STK32B: variants seen among roughly 807,000 people sequenced by gnomAD.
STK32B encodes serine/threonine-protein kinase 32B.
Under a neutral mutation model 52.6 loss-of-function variants are expected in STK32B, and 43 were observed. The ratio of observed to expected loss-of-function variants is 0.82; its 90% CI spans 0.64 to 1.05. STK32B has a LOEUF of 1.05. Ranked by LOEUF, STK32B falls within the 50% of genes least tolerant of loss-of-function variation. STK32B has a pLI of 0.00. For synonymous variants in STK32B, 238 were observed against 204.3 expected, an observed-to-expected ratio of 1.17 and a Z score of -1.41; for missense variants, 621 against 534.6, an observed-to-expected ratio of 1.16 and a Z score of -1.59.
At chr4:5,488,998 C>T (rs1282311271) in intron 11 of STK32B, among the ~76,000 whole-genome samples, 1 of 151,968 alleles carries the variant, frequency 6.6e-6, no homozygotes, top group African/African-American at 2.4e-5. Context: ...TTTTAACTCT[C>T]AGTAACCTTG....
chr4:5,135,633 C>A (rs1005334970), intron 1 of STK32B, among the ~76,000 whole-genome samples: 1 of 152,100 alleles, frequency 6.6e-6, no homozygotes. Flanking sequence ...TTCAGAGGCT[C>A]ACAGGAAGGA....
At chr4:5,180,283 T>C (rs1022746544) in intron 3 of STK32B, among the ~76,000 whole-genome samples, 3 of 152,242 alleles carry the variant, frequency 2.0e-5, no homozygotes, top group Non-Finnish European at 4.4e-5. Flanking sequence ...TTCCAGTTCT[T>C]ACAGGTGGCT....
Position 5,051,576 on chromosome 4 carries a change from C to T in STK32B, c.-288C>T. The T allele has an allele frequency of 2.5e-6, 1 of 400,186 alleles. No homozygotes were observed. Among genetic ancestry groups the T allele is most frequent in the Middle Eastern group, 6.5e-4 (1 of 1,528 alleles). The allele number at this position is 400,186 out of a possible 1,614,324, so 24.8% of individuals were successfully genotyped here. A position where few individuals can be genotyped will look rare whatever the true frequency, so the allele number is the denominator to read the frequency against. On this transcript the variant is annotated 5_prime_UTR_variant, in exon 1 of 12. Transcript: ENST00000282908. ...CGTTGGCCCCGGCGCGAGGAGCTCC[C>T]GGGTTCCCGGGCGGGCACTGGAGTA...
At chr4:5,262,682 G>C (rs1418933996) in intron 3 of STK32B, among the ~76,000 whole-genome samples, 1 of 151,472 alleles carries the variant, frequency 6.6e-6, no homozygotes, top group Non-Finnish European at 1.5e-5. Flanking sequence ...ACAATATATG[G>C]TTAAGTATTA....
intron 3 of STK32B, among the ~76,000 whole-genome samples, chr4:5,325,865 A>C (rs1263055276): frequency 6.6e-6 from 1 of 152,214 alleles, no homozygotes; most frequent in East Asian, 1.9e-4. Context: ...CAAAAGGGAC[A>C]ATGTCACAAA....
chr4:5,320,946 A>G (rs1731448010), intron 3 of STK32B, among the ~76,000 whole-genome samples: 4 of 152,218 alleles, frequency 2.6e-5, no homozygotes, highest in Admixed American at 2.6e-4. Flanking sequence ...CAGGTCGATT[A>G]TGTTCAATAG....
intron 5 of STK32B, among the ~76,000 whole-genome samples, chr4:5,415,718 G>A (rs1359872597): frequency 2.0e-5 from 3 of 152,188 alleles, no homozygotes; most frequent in Non-Finnish European, 2.9e-5. Flanking sequence ...TGGCTGAGCA[G>A]CTTGCTCACA....
At chr4:5,229,411 C>A (rs375297382) in intron 3 of STK32B, among the ~76,000 whole-genome samples, 9 of 152,132 alleles carry the variant, frequency 5.9e-5, no homozygotes, top group African/African-American at 2.2e-4. Flanking sequence ...TATACAAATT[C>A]AATGAGATAA....
At chr4:5,107,311 T>G (rs1714161948) in intron 1 of STK32B, among the ~76,000 whole-genome samples, 1 of 151,940 alleles carries the variant, frequency 6.6e-6, no homozygotes, top group Admixed American at 6.6e-5. Context: ...TTATGGTGAG[T>G]TGTATAATTA....
intron 1 of STK32B, among the ~76,000 whole-genome samples, chr4:5,097,806 G>A (rs538119970): frequency 6.6e-6 from 1 of 152,334 alleles, no homozygotes; most frequent in South Asian, 2.1e-4. Flanking sequence ...AGCTATTGCT[G>A]CATAACAAAT....
intron 3 of STK32B, among the ~76,000 whole-genome samples, chr4:5,178,378 C>T (rs1002462549): frequency 6.6e-6 from 1 of 152,188 alleles, no homozygotes; most frequent in African/African-American, 2.4e-5. Flanking sequence ...CTGGGCCTGG[C>T]CCATGAAACT....
intron 1 of STK32B, among the ~76,000 whole-genome samples, chr4:5,076,779 T>G (rs181104899): frequency 6.6e-6 from 1 of 152,320 alleles, no homozygotes; most frequent in Non-Finnish European, 1.5e-5. Context: ...TTTGCCACAG[T>G]TACAGTGGCC....
Position 5,417,008 on chromosome 4 carries a change from A to G in STK32B, c.562+74A>G, listed in dbSNP as rs543056145. 1.6e-4 allele frequency: 222 copies of G among 1,369,162 alleles called. 2 individuals are homozygous for G. The highest frequency in any genetic ancestry group is 5.0e-4 in the South Asian group (39 of 77,552). 84.8% of individuals were successfully genotyped at this position (1,369,162 alleles called of 1,614,324 possible). ...AGACTCAGCATCCTTCTCTTGTTTC[A>G]TCTGCCACTGCCCGCTGCCACATAC... On this transcript the variant is annotated intron_variant, in intron 6 of 11. Coordinates refer to ENST00000282908, the MANE Select transcript of STK32B (RefSeq NM_018401.3).
rs1192711962 is a variant in STK32B, at chr4:5,168,449, T to C, written c.259T>C (p.Trp87Arg). 1.2e-6 allele frequency: 2 copies of C among 1,612,054 alleles called. No individual in the cohort carries two copies. The highest frequency in any genetic ancestry group is 1.1e-5 in the South Asian group (1 of 90,602). Residue 87 changes from tryptophan to arginine, a missense_variant and splice_region_variant, in exon 3 of 12, where the codon TGG becomes CGG. Physicochemically the swap from Trp to Arg is moderately radical, Grantham distance 101 (BLOSUM62 -3). Coordinates refer to ENST00000282908, the MANE Select transcript of STK32B (RefSeq NM_018401.3). ...GLEHPFLVNL[W>R]YSFQDEEDMF... ...GGAGCACCCCTTCCTGGTCAATCTG[T>C]GGTGAGTGTGGCTCCATCCAGGGCT...
At chr4:5,077,386 A>G (rs1712146265) in intron 1 of STK32B, among the ~76,000 whole-genome samples, 1 of 152,030 alleles carries the variant, frequency 6.6e-6, no homozygotes, top group Admixed American at 6.6e-5. Context: ...CTAGGCACTC[A>G]GATGTCACTG....
Position 5,498,987 on chromosome 4 carries a change from C to T in STK32B, c.1149C>T (p.Thr383=), listed in dbSNP as rs147058808. 640 of 1,613,646 alleles carry T rather than the reference C, an allele frequency of 4.0e-4. No individual in the cohort carries two copies. The highest frequency in any genetic ancestry group is 5.0e-4 in the Non-Finnish European group (590 of 1,179,818). ...GACAGGGCAGCCAGCTCTTGGACAC[C>T]GACAGCCGAGGGGGAGGCCAGGCCC... ...QQGQGSQLLD[T]DSRGGGQAQS... is the part of the protein sequence containing the mutation. The change falls in exon 12 of 12, where the codon ACC becomes ACT. Residue 383 remains threonine, a synonymous_variant. Coordinates refer to ENST00000282908, the MANE Select transcript of STK32B (RefSeq NM_018401.3).
At chr4:5,284,970 A>G (rs1333577242) in intron 3 of STK32B, among the ~76,000 whole-genome samples, 1 of 152,198 alleles carries the variant, frequency 6.6e-6, no homozygotes, top group Non-Finnish European at 1.5e-5. Context: ...CTGATAATGT[A>G]CCACAGCTGC....
chr4:5,126,307 T>TCCCTCCCTTGTTCTCTCCAC (rs1238157858), intron 1 of STK32B, among the ~76,000 whole-genome samples: 1 of 152,160 alleles, frequency 6.6e-6, no homozygotes, highest in Non-Finnish European at 1.5e-5. Flanking sequence ...TCTCCCTCCA[T>TCCCTCCCTTGTTCTCTCCAC]CCCTCCCTTG....
chr4:5,055,354 CT>C (rs1160930745), intron 1 of STK32B, among the ~76,000 whole-genome samples: 1 of 150,764 alleles, frequency 6.6e-6, no homozygotes, highest in Non-Finnish European at 1.5e-5. Flanking sequence ...CTGGCCATTT[CT>C]TGCCTTCTCC....
Sources: allele counts gnomAD v4.1 joint callset (sites outside exome capture counted in the v4.1 genomes callset), GRCh38; gene constraint gnomAD v4.1.1; transcripts MANE v1.5; gene names NCBI Gene and HGNC (gene_info 2026-07-23, HGNC 2026-07-21).